Variants in FSTL5 observed in about 807,000 individuals in gnomAD.
FSTL5 encodes the protein follistatin-related protein 5.
In FSTL5, 62 loss-of-function variants were observed where a neutral mutation model predicts 89.1. The ratio of observed to expected loss-of-function variants is 0.70; its 90% confidence interval spans 0.57 to 0.86. The LOEUF (loss-of-function observed/expected upper bound fraction) is 0.86. Among genes scored for constraint, FSTL5 ranks in the 40% least tolerant of loss-of-function variants. FSTL5 has a pLI of 0.00. For synonymous variants in FSTL5, 383 were observed against 346.2 expected (o/e 1.11, Z -1.18); for missense variants, 1,057 against 1,001.6 (o/e 1.06, Z -0.75).
intron 4 of FSTL5, among the ~76,000 whole-genome samples, chr4:161,776,376 C>T (rs1042959363): frequency 6.6e-5 from 10 of 151,892 alleles, no homozygotes; most frequent in Admixed American, 1.3e-4. Flanking sequence ...TTTATTTCAA[C>T]GTTCAAATTT....
chr4:161,799,965 A>G (rs1729745595), intron 4 of FSTL5, among the ~76,000 whole-genome samples: 1 of 151,742 alleles, frequency 6.6e-6, no homozygotes, highest in Non-Finnish European at 1.5e-5. Context: ...GTTCAAATTT[A>G]GATTACCACA....
intron 1 of FSTL5, among the ~76,000 whole-genome samples, chr4:162,143,733 C>T (rs908831380): frequency 7.4e-6 from 1 of 134,570 alleles, no homozygotes; most frequent in Non-Finnish European, 1.6e-5. Context: ...CACACACACA[C>T]ACACACACAC....
intron 8 of FSTL5, among the ~76,000 whole-genome samples, chr4:161,549,205 T>A (rs564839474): frequency 2.0e-5 from 3 of 152,004 alleles, no homozygotes; most frequent in Admixed American, 2.0e-4. Flanking sequence ...TGCTTAATAG[T>A]GCTGTGATGT....
intron 6 of FSTL5, among the ~76,000 whole-genome samples, chr4:161,724,289 A>T (rs6834695): frequency 0.93 from 141,395 of 152,134 alleles, 66,078 homozygotes; most frequent in Non-Finnish European, 0.98. Context: ...ATAATAAAAT[A>T]AGCATTGTTA....
intron 4 of FSTL5, among the ~76,000 whole-genome samples, chr4:161,805,137 A>G (rs1233792519): frequency 3.3e-5 from 5 of 152,070 alleles, no homozygotes; most frequent in African/African-American, 1.2e-4. Context: ...ATACCTTCCA[A>G]TGTCAATAGC....
At chr4:161,987,491 C>T (rs28559778) in intron 3 of FSTL5, among the ~76,000 whole-genome samples, 3 of 134,436 alleles carry the variant, frequency 2.2e-5, no homozygotes, top group South Asian at 2.2e-4. Flanking sequence ...TATATACATA[C>T]ATATATAAAA....
intron 2 of FSTL5, among the ~76,000 whole-genome samples, chr4:162,061,691 C>T (rs1196475385): frequency 6.6e-6 from 1 of 152,026 alleles, no homozygotes; most frequent in African/African-American, 2.4e-5. Context: ...TAAACCAAAG[C>T]ACGCAGTCCT....
chr4:161,782,927 C>T lies in FSTL5; in HGVS notation c.410-6853G>A, dbSNP rs142345181. 1.7e-3 allele frequency among the ~76,000 whole-genome samples: 257 copies of T among 152,214 alleles called. 1 individual carries two copies. Among genetic ancestry groups the T allele is most frequent in the African/African-American group, 6.1e-3 (252 of 41,566 alleles). On this transcript the variant is annotated intron_variant, in intron 4 of 15. Coordinates refer to ENST00000306100, the MANE Select transcript of FSTL5 (RefSeq NM_020116.5). ...TGAGAGAATGTTAATTAAAATATTT[C>T]TGAGGGTTGCAATTATATTCATCAA...
At chr4:161,804,069 T>C (rs991068558) in intron 4 of FSTL5, among the ~76,000 whole-genome samples, 32 of 152,106 alleles carry the variant, frequency 2.1e-4, no homozygotes, top group African/African-American at 7.7e-4. Flanking sequence ...CTGTGGTTCT[T>C]ACACGTGGCA....
intron 4 of FSTL5, among the ~76,000 whole-genome samples, chr4:161,857,328 G>C (rs1483765222): frequency 6.6e-6 from 1 of 152,096 alleles, no homozygotes; most frequent in African/African-American, 2.4e-5. Context: ...GGAAAGAAGG[G>C]AGAAATCAGT....
rs920696321 is a variant in FSTL5 at position 162,101,532 on chromosome 4, T to A, written c.126+9739A>T. On this transcript the variant is annotated intron_variant, in intron 2 of 15. Coordinates refer to ENST00000306100, the MANE Select transcript of FSTL5 (RefSeq NM_020116.5). Reference sequence around the variant, plus strand: ...CTCGGCTGAAAAGTTTGTGGCTGTGTCATCATCAACTTAAAAATCTCTGCC... The same window carrying A: ...CTCGGCTGAAAAGTTTGTGGCTGTGACATCATCAACTTAAAAATCTCTGCC... Among the ~76,000 whole-genome samples, 129 of 152,322 alleles carry A rather than the reference T, an allele frequency of 8.5e-4. 1 individual carries two copies. The highest frequency in any genetic ancestry group is 3.0e-3 in the African/African-American group (125 of 41,576).
Position 161,615,293 on chromosome 4 carries a change from C to CAAAAAAAAAAAAAAAAAAAAAAAA in FSTL5, c.895-27719_895-27718insTTTTTTTTTTTTTTTTTTTTTTTT. Among the ~76,000 whole-genome samples the CAAAAAAAAAAAAAAAAAAAAAAAA allele has an allele frequency of 7.6e-5, 2 of 26,456 alleles. 1 individual carries two copies. The highest frequency in any genetic ancestry group is 1.4e-4 in the Non-Finnish European group (2 of 14,040). The allele number at this position is 26,456 out of a possible 152,430, so 17.4% of individuals were successfully genotyped here. A position where few individuals can be genotyped will look rare whatever the true frequency, so the allele number is the denominator to read the frequency against. On this transcript the variant is annotated intron_variant, in intron 7 of 15. Transcript: ENST00000306100. ...TGGGCAACAGAGGGAGACTCTGTCTCAAAAAAAAAAAAAAAAAAAAAAATT... is the reference window on the plus strand; with the variant it reads ...TGGGCAACAGAGGGAGACTCTGTCTCAAAAAAAAAAAAAAAAAAAAAAAAAAAAAAAAAAAAAAAAAAAAAAATT...
chr4:161,978,841 G>C (rs1735737193), intron 3 of FSTL5, among the ~76,000 whole-genome samples: 1 of 152,052 alleles, frequency 6.6e-6, no homozygotes, highest in Non-Finnish European at 1.5e-5. Flanking sequence ...GATTACTATA[G>C]AAGTGATATT....
chr4:161,635,228 A>T (rs547868986), intron 7 of FSTL5, among the ~76,000 whole-genome samples: 3 of 152,220 alleles, frequency 2.0e-5, no homozygotes, highest in African/African-American at 7.2e-5. Flanking sequence ...CTCTATTAAA[A>T]ATACAAAAAA....
chr4:161,424,024 C>CTT lies in FSTL5; in HGVS notation c.1841+30978_1841+30979dup, dbSNP rs11287729. On this transcript the variant is annotated intron_variant, in intron 15 of 15. Coordinates refer to ENST00000306100, the MANE Select transcript of FSTL5 (RefSeq NM_020116.5). ...GGTGCCTGCCAGCACGCCCATCATT[C>CTT]TTTTTTTTTTTTTTTTTTTTTTTTT... 8.9e-4 allele frequency among the ~76,000 whole-genome samples: 67 copies of CTT among 75,372 alleles called. 1 individual carries two copies. Among genetic ancestry groups the CTT allele is most frequent in the Non-Finnish European group, 1.1e-3 (48 of 43,326 alleles). The allele number at this position is 75,372 out of a possible 152,430, so 49.4% of individuals were successfully genotyped here. A position where few individuals can be genotyped will look rare whatever the true frequency, so the allele number is the denominator to read the frequency against.
intron 7 of FSTL5, among the ~76,000 whole-genome samples, chr4:161,604,622 T>C (rs1036058954): frequency 6.6e-6 from 1 of 152,128 alleles, no homozygotes; most frequent in Non-Finnish European, 1.5e-5. Context: ...GTAGAGAAAG[T>C]CACTGGGGTT....
chr4:161,810,252 T>C (rs548511418), intron 4 of FSTL5, among the ~76,000 whole-genome samples: 1 of 152,220 alleles, frequency 6.6e-6, no homozygotes, highest in Non-Finnish European at 1.5e-5. Flanking sequence ...TGAGATAATA[T>C]CTATGAAGTA....
At chr4:161,937,602 G>A (rs769500721) in intron 3 of FSTL5, among the ~76,000 whole-genome samples, 11 of 152,120 alleles carry the variant, frequency 7.2e-5, no homozygotes, top group Non-Finnish European at 1.5e-4. Context: ...GCAGCAACAG[G>A]GAAGTCTAGA....
intron 1 of FSTL5, among the ~76,000 whole-genome samples, chr4:162,157,587 T>C (rs969157533): frequency 3.3e-5 from 5 of 152,048 alleles, no homozygotes; most frequent in Non-Finnish European, 7.4e-5. Flanking sequence ...ATTCCAAGAT[T>C]AAAAACATTT....
Sources: allele counts gnomAD v4.1 joint callset (sites outside exome capture counted in the v4.1 genomes callset), GRCh38; gene constraint gnomAD v4.1.1; transcripts MANE v1.5; gene names NCBI Gene and HGNC (gene_info 2026-07-23, HGNC 2026-07-21).